The following NUP98 variants were observed in gnomAD, a reference collection of about 807,000 sequenced individuals.
NUP98 encodes nuclear pore complex protein Nup98-Nup96.
A neutral mutation model predicts 191.9 loss-of-function variants in NUP98; 26 were observed. The ratio of observed to expected loss-of-function variants is 0.14; its 90% CI spans 0.10 to 0.19. The LOEUF is 0.19. Ranked by LOEUF, NUP98 falls within the 10% of genes least tolerant of loss-of-function variation. The pLI is 1.00. For missense variants in NUP98, 1,941 were observed against 2,178.8 expected (o/e 0.89, Z 2.17); for synonymous variants, 808 against 778.4 (o/e 1.04, Z -0.63).
At chr11:3,743,995 G>A (rs2134375193) in intron 12 of NUP98, among the ~76,000 whole-genome samples, 1 of 152,226 alleles carries the variant, frequency 6.6e-6, no homozygotes, top group East Asian at 1.9e-4. Context: ...GGAGGTGGAG[G>A]TTGCAGTGAG....
intron 7 of NUP98, among the ~76,000 whole-genome samples, chr11:3,770,666 G>A (rs1447527543): frequency 1.3e-5 from 2 of 151,988 alleles, no homozygotes; most frequent in Admixed American, 6.6e-5. Context: ...TATAAGGCAA[G>A]TATATAACCT....
intron 1 of NUP98, among the ~76,000 whole-genome samples, chr11:3,787,491 G>A (rs1010135438): frequency 3.9e-5 from 6 of 152,156 alleles, no homozygotes; most frequent in African/African-American, 1.4e-4. Context: ...ACTGAGGCAG[G>A]AGAGTCGCTC....
intron 1 of NUP98, among the ~76,000 whole-genome samples, chr11:3,783,981 C>T (rs1268546127): frequency 6.6e-6 from 1 of 152,152 alleles, no homozygotes; most frequent in Admixed American, 6.5e-5. Context: ...ATGCCTGCTA[C>T]CTCTTTTCTG....
intron 12 of NUP98, among the ~76,000 whole-genome samples, chr11:3,740,676 AGAATCT>A (rs988052643): frequency 1.1e-4 from 17 of 152,222 alleles, no homozygotes; most frequent in African/African-American, 4.1e-4. Flanking sequence ...CCCAGAGCTA[AGAATCT>A]GACATTCTAA....
At chr11:3,761,851 C>T (rs905587981) in intron 9 of NUP98, among the ~76,000 whole-genome samples, 1 of 150,986 alleles carries the variant, frequency 6.6e-6, no homozygotes, top group African/African-American at 2.4e-5. Flanking sequence ...GGCTGAGGCA[C>T]GAGAATCGCT....
chr11:3,782,072 C>G lies in NUP98; in HGVS notation c.46G>C (p.Gly16Arg). The G allele has an allele frequency of 6.2e-7, 1 of 1,612,884 alleles. No homozygotes were observed. The highest frequency in any genetic ancestry group is 8.5e-7 in the Non-Finnish European group (1 of 1,179,508). ...FGTPFGGGTG[G>R]FGTTSTFGQN... ...CCAAATGTTGAAGTTGTGCCAAAGC[C>G]ACCTGTGCCACCCCCAAAGGGTGTT... Residue 16 changes from glycine to arginine, a missense_variant, in exon 2 of 33, where the codon GGC (glycine) becomes CGC (arginine). Gly to Arg is a moderately radical substitution (Grantham distance 125). This residue lies in a region of NUP98 where 154 missense variants were observed against 182.9 expected (regional missense o/e 0.84). Coordinates refer to ENST00000324932, the MANE Select transcript of NUP98 (RefSeq NM_016320.5).
At chr11:3,687,033 G>A (rs754741003) in intron 28 of NUP98, among the ~76,000 whole-genome samples, 6 of 152,052 alleles carry the variant, frequency 3.9e-5, no homozygotes, top group Admixed American at 6.6e-5. Context: ...GGGCTCATGC[G>A]ATCCTCTCAC....
At chr11:3,722,020 A>G (rs1372378417) in intron 16 of NUP98, among the ~76,000 whole-genome samples, 1 of 152,150 alleles carries the variant, frequency 6.6e-6, no homozygotes, top group Non-Finnish European at 1.5e-5. Flanking sequence ...ACTAGAATAT[A>G]AAACTTCCTA....
Position 3,712,645 on chromosome 11 carries a change from C to T in NUP98, c.2661G>A (p.Leu887=). The T allele has an allele frequency of 6.2e-7, 1 of 1,613,806 alleles. No homozygotes were observed. Among genetic ancestry groups the T allele is most frequent in the Non-Finnish European group, 8.5e-7 (1 of 1,179,998 alleles). Residue 887 remains leucine (L), a synonymous_variant, in exon 20 of 33, where the codon TTG becomes TTA. Transcript: ENST00000324932. ...TTGCAGGAGGCAAAGGAGCAGTCTT[C>T]AACTTCTTTGTACTAGTTTTAGACG... is the stretch of plus-strand genomic sequence containing the variant. ...EHPSKTSTKK[L]KTAPLPPASQ...
At chr11:3,744,788 G>GT in intron 11 of NUP98, 139 bp from the exon 12 acceptor site, 1 of 885,460 alleles carries the variant, frequency 1.1e-6, no homozygotes. Context: ...AATACGGTAA[G>GT]TGTTACTGCA....
At chr11:3,686,288 A>G in intron 28 of NUP98, 94 bp from the exon 29 acceptor site, 1 of 1,083,204 alleles carries the variant, frequency 9.2e-7, no homozygotes, top group Non-Finnish European at 1.4e-6. Flanking sequence ...ACAATAAAAG[A>G]ACCTGAGAGT....
In NUP98 at chr11:3,731,538, G is replaced by T; in HGVS notation, c.1583C>A (p.Thr528Asn). The change falls in exon 14 of 33, where the codon ACT becomes AAT. Residue 528 changes from threonine (T) to asparagine (N), a missense_variant. By Grantham distance (65) the Thr-to-Asn change is moderately conservative (BLOSUM62 0). This residue lies in a region of NUP98 where 453 missense variants were observed against 438.2 expected (regional missense o/e 1.03). Coordinates refer to ENST00000324932, the MANE Select transcript of NUP98 (RefSeq NM_016320.5). The part of the protein sequence containing the change: ...PTNPAAQKAL[T>N]TPTHYKLTPR... ...TGTCAGTTTATAATGAGTAGGTGTA[G>T]TAAGAGCCTTCTGGGCTGCTGGATT... The T allele has an allele frequency of 6.3e-7, 1 of 1,598,668 alleles. No homozygotes were observed. Among genetic ancestry groups the T allele is most frequent in the Non-Finnish European group, 8.5e-7 (1 of 1,172,240 alleles).
chr11:3,748,355 G>A (rs896237500), intron 11 of NUP98, among the ~76,000 whole-genome samples: 14 of 152,198 alleles, frequency 9.2e-5, no homozygotes, highest in Non-Finnish European at 1.9e-4. Context: ...CACGAGGTCA[G>A]GAGTTCCAGA....
At chr11:3,758,473 A>G (rs1200401557) in intron 10 of NUP98, among the ~76,000 whole-genome samples, 1 of 151,972 alleles carries the variant, frequency 6.6e-6, no homozygotes, top group African/African-American at 2.4e-5. Context: ...CTATCTTTCC[A>G]TTTTAATTTT....
chr11:3,720,637 T>A, intron 17 of NUP98, 75 bp downstream of exon 17: 1 of 738,974 alleles, frequency 1.4e-6, no homozygotes, highest in Non-Finnish European at 2.3e-6. Flanking sequence ...GATTCAGCTA[T>A]CAAAAGCTTC....
chr11:3,764,456 G>A (rs2081273084), intron 8 of NUP98, among the ~76,000 whole-genome samples: 1 of 152,202 alleles, frequency 6.6e-6, no homozygotes, highest in Admixed American at 6.5e-5. Flanking sequence ...ATCCCAAGAT[G>A]TGCAATTGCT....
At chr11:3,719,304 A>G (rs987691412) in intron 18 of NUP98, 108 bp downstream of exon 18, 9 of 813,216 alleles carry the variant, frequency 1.1e-5, no homozygotes, top group Non-Finnish European at 1.8e-5. Context: ...AATGTACTCT[A>G]TAGTAAGGAA....
At chr11:3,700,373 T>C (rs538430472) in intron 24 of NUP98, among the ~76,000 whole-genome samples, 1 of 152,274 alleles carries the variant, frequency 6.6e-6, no homozygotes, top group South Asian at 2.1e-4. Context: ...AGGATTTGAC[T>C]TGCTACAGTT....
At chr11:3,772,007 A>G (rs535365065) in intron 6 of NUP98, 79 bp from the exon 7 acceptor site, 628 of 1,197,672 alleles carry the variant, frequency 5.2e-4, no homozygotes, top group South Asian at 1.1e-3. Context: ...ACTTGAATTT[A>G]GTATTCAAGT....
Sources: allele counts gnomAD v4.1 joint callset (sites outside exome capture counted in the v4.1 genomes callset), GRCh38; gene constraint gnomAD v4.1.1; regional missense constraint gnomAD v4.1.1; transcripts MANE v1.5; gene names NCBI Gene and HGNC (gene_info 2026-07-23, HGNC 2026-07-21).